The following OLFML2B variants were observed in gnomAD, a reference collection of about 807,000 sequenced individuals.
The protein encoded by OLFML2B is olfactomedin like 2B.
In OLFML2B, 57 loss-of-function variants were observed where a neutral mutation model predicts 74.9. The ratio of observed to expected loss-of-function variants is 0.76; its 90% CI spans 0.61 to 0.95. The LOEUF is 0.95. OLFML2B is among the 40% of genes least tolerant of loss of function. The pLI, the probability that OLFML2B is intolerant of heterozygous loss-of-function variation, is 0.00. For missense variants in OLFML2B, 986 were observed against 970.6 expected (o/e 1.02, Z -0.21); for synonymous variants, 388 against 405.8 (o/e 0.96, Z 0.53).
intron 4 of OLFML2B, among the ~76,000 whole-genome samples, chr1:162,000,670 G>A (rs1690058977): frequency 6.6e-6 from 1 of 152,194 alleles, no homozygotes; most frequent in Admixed American, 6.5e-5. Flanking sequence ...GTGTCGCTAT[G>A]CTTGACGTAT....
rs751871224 is a variant in OLFML2B, at chr1:161,997,881, G to A, written c.1418C>T (p.Thr473Ile). 8 of 1,614,074 alleles carry A rather than the reference G, an allele frequency of 5.0e-6. No individual in the cohort carries two copies. The highest frequency in any genetic ancestry group is 5.9e-6 in the Non-Finnish European group (7 of 1,180,042). ...GGGGCTCAGCGTGGGGCTGGCAGGG[G>A]TTGTTCCCCACCCAGCAGGAGCATC... ...GKDAPAGWGT[T>I]PASPTLSPEE... is the part of the protein sequence containing the mutation. Residue 473 changes from threonine (T) to isoleucine (I), a missense_variant, in exon 6 of 8, where the codon ACC (threonine) becomes ATC (isoleucine). Physicochemically the swap from Thr to Ile is moderately conservative, Grantham distance 89. Coordinates refer to ENST00000294794, the MANE Select transcript of OLFML2B (RefSeq NM_015441.3).
At chr1:161,994,146 G>A (rs1689821677) in intron 6 of OLFML2B, among the ~76,000 whole-genome samples, 1 of 152,266 alleles carries the variant, frequency 6.6e-6, no homozygotes, top group Non-Finnish European at 1.5e-5. Flanking sequence ...TCAGCAAAGA[G>A]ACTGAGACCA....
chr1:161,986,005 G>A (rs567562879), intron 6 of OLFML2B, among the ~76,000 whole-genome samples: 16 of 152,296 alleles, frequency 1.1e-4, no homozygotes, highest in African/African-American at 3.1e-4. Context: ...GAATGATAGT[G>A]AAGTCACACG....
At chr1:162,007,451 A>T (rs1378610025) in intron 3 of OLFML2B, among the ~76,000 whole-genome samples, 1 of 152,222 alleles carries the variant, frequency 6.6e-6, no homozygotes, top group Admixed American at 6.5e-5. Context: ...TTATTTTTAA[A>T]GAGATTTGAC....
rs191876438 is a variant in OLFML2B, at chr1:162,002,532, G to A, written c.724-2194C>T. On this transcript the variant is annotated intron_variant, in intron 4 of 7. Transcript: ENST00000294794. ...CTTTCGCACAGGAAGAAGCAAACCA[G>A]GCTCTTGCTTTGATCTTTACAATTT... Among the ~76,000 whole-genome samples the A allele has an allele frequency of 2.2e-3, 336 of 152,338 alleles. 2 individuals carry two copies. Among genetic ancestry groups the A allele is most frequent in the Middle Eastern group, 3.4e-3 (1 of 294 alleles).
chr1:162,011,361 G>C (rs34415944), intron 3 of OLFML2B, among the ~76,000 whole-genome samples: 20 of 152,310 alleles, frequency 1.3e-4, no homozygotes, highest in East Asian at 3.9e-4. Flanking sequence ...TGGACCCAAG[G>C]GGGGAGGGCT....
intron 3 of OLFML2B, among the ~76,000 whole-genome samples, chr1:162,007,546 G>T (rs1331056613): frequency 6.6e-6 from 1 of 152,202 alleles, no homozygotes; most frequent in African/African-American, 2.4e-5. Flanking sequence ...TTTGGGCCCT[G>T]TTTATGAGGT....
intron 4 of OLFML2B, among the ~76,000 whole-genome samples, chr1:162,005,902 CAAAAAAAAAA>C (rs71093139): frequency 0.15 from 11,834 of 78,032 alleles, 958 homozygotes; most frequent in African/African-American, 0.26. Flanking sequence ...TGGAACCTAT[CAAAAAAAAAA>C]AAAAAAAAAA....
In OLFML2B at chr1:162,016,172, T is replaced by C. The variant is rs141433543; in HGVS notation, c.546+1228A>G. On this transcript the variant is annotated intron_variant, in intron 3 of 7. Transcript: ENST00000294794. ...CAAAGTAATGTAGGAATGTTTGTCC[T>C]CAATCTCTCCATGGTCAGAGCCTTG... is the stretch of plus-strand genomic sequence containing the variant. Among the ~76,000 whole-genome samples, 203 of 152,382 alleles carry C rather than the reference T, an allele frequency of 1.3e-3. 2 individuals carry two copies. Among genetic ancestry groups the C allele is most frequent in the African/African-American group, 4.4e-3 (182 of 41,596 alleles).
intron 4 of OLFML2B, among the ~76,000 whole-genome samples, chr1:162,002,192 T>C (rs1298744275): frequency 6.6e-6 from 1 of 152,236 alleles, no homozygotes; most frequent in East Asian, 1.9e-4. Flanking sequence ...GCTGCTTTGG[T>C]GGCTCCATCA....
intron 1 of OLFML2B, among the ~76,000 whole-genome samples, chr1:162,021,889 C>T (rs1690712580): frequency 6.6e-6 from 1 of 152,058 alleles, no homozygotes; most frequent in African/African-American, 2.4e-5. Context: ...TATGTCTTTT[C>T]GATTTAGGGG....
intron 6 of OLFML2B, among the ~76,000 whole-genome samples, chr1:161,990,919 G>T (rs928537988): frequency 4.0e-4 from 61 of 152,132 alleles, no homozygotes; most frequent in African/African-American, 1.4e-3. Flanking sequence ...CCAGGAGTAG[G>T]TTCCATATCA....
At chr1:162,022,244 C>CTTTTTTT (rs56395023) in intron 1 of OLFML2B, among the ~76,000 whole-genome samples, 32 of 70,738 alleles carry the variant, frequency 4.5e-4, no homozygotes, top group African/African-American at 1.3e-3. Context: ...TGTATCTCTT[C>CTTTTTTT]TTTTTTTTTT....
chr1:161,992,326 G>A (rs1030158713), intron 6 of OLFML2B, among the ~76,000 whole-genome samples: 2 of 152,240 alleles, frequency 1.3e-5, no homozygotes, highest in African/African-American at 4.8e-5. Flanking sequence ...TTGCTTAAGG[G>A]AATGTCGTGG....
intron 6 of OLFML2B, 41 bp from the exon 7 acceptor site, chr1:161,985,021 G>A (rs1289222026): frequency 1.3e-6 from 2 of 1,569,406 alleles, no homozygotes; most frequent in Admixed American, 3.7e-5. Flanking sequence ...GGCTGATCTA[G>A]TGATGCCTCA....
At chr1:161,992,149 T>C (rs1315233766) in intron 6 of OLFML2B, among the ~76,000 whole-genome samples, 2 of 152,266 alleles carry the variant, frequency 1.3e-5, no homozygotes, top group East Asian at 3.8e-4. Context: ...GCTTCTGCAT[T>C]AGCACTTGCT....
At chr1:161,997,796 G>A (rs1446915508) in intron 6 of OLFML2B, 29 bp downstream of exon 6, 1 of 1,583,824 alleles carries the variant, frequency 6.3e-7, no homozygotes, top group South Asian at 1.2e-5. Context: ...AGCTGATCAG[G>A]AGACCAAGGC....
chr1:162,020,420 C>T lies in OLFML2B; in HGVS notation c.175-238G>A, dbSNP rs535748630. Among the ~76,000 whole-genome samples the T allele has an allele frequency of 5.9e-5, 9 of 152,298 alleles. No homozygotes were observed. In the South Asian group the frequency reaches 1.4e-3, roughly 25 times the overall value. On this transcript the variant is annotated intron_variant, in intron 1 of 7. Coordinates refer to ENST00000294794, the MANE Select transcript of OLFML2B (RefSeq NM_015441.3). ...GGAAAGCTGTGCCTTTCTCATGGGG[C>T]CTTAGCCTTTCATTATTTAAAGGAA...
rs982434173 is a variant in OLFML2B at position 162,006,649 on chromosome 1, C to T, written c.547-176G>A. Reference sequence around the variant, plus strand: ...CCTGGGCTGAGCACCGGTACCAGGTCTCCTGGCAGTATTTCCAGGGCAGCT... The same window carrying T: ...CCTGGGCTGAGCACCGGTACCAGGTTTCCTGGCAGTATTTCCAGGGCAGCT... On this transcript the variant is annotated intron_variant, in intron 3 of 7. Transcript: ENST00000294794. Among the ~76,000 whole-genome samples the T allele has an allele frequency of 3.3e-5, 5 of 152,234 alleles. No individual in the cohort carries two copies. The South Asian group carries it at 1.0e-3, about 32-fold the overall frequency.
Sources: allele counts gnomAD v4.1 joint callset (sites outside exome capture counted in the v4.1 genomes callset), GRCh38; gene constraint gnomAD v4.1.1; transcripts MANE v1.5; gene names NCBI Gene and HGNC (gene_info 2026-07-23, HGNC 2026-07-21).